RBP5: variants seen among roughly 807,000 people sequenced by gnomAD.
RBP5 encodes the protein retinol-binding protein 5.
Under a neutral mutation model 17.8 loss-of-function variants are expected in RBP5, and 12 were observed. The ratio of observed to expected loss-of-function variants is 0.67; its 90% CI spans 0.43 to 1.09. The LOEUF is 1.09. Among genes scored for constraint, RBP5 ranks in the 50% least tolerant of loss-of-function variants. The probability of loss-of-function intolerance (pLI) is 0.00; values close to 1 mark genes in which losing one functional copy is unlikely to be tolerated. For missense variants in RBP5, 172 were observed against 169.4 expected (o/e 1.02, Z -0.09); for synonymous variants, 64 against 68.1 (o/e 0.94, Z 0.30).
chr12:7,127,985 G>A (rs987742937), intron 2 of RBP5, among the ~76,000 whole-genome samples: 2 of 152,214 alleles, frequency 1.3e-5, no homozygotes, highest in African/African-American at 2.4e-5. Context: ...TTTGCTCTTC[G>A]GTCTGGGTTG....
chr12:7,123,950 C>CT lies in RBP5; in HGVS notation c.*170dup. ...GTGGAGTGTGAGAAAGGACTTTGGC[C>CT]TGGGGGCTGCAAGTTACAGATTAAC... On this transcript the variant is annotated 3_prime_UTR_variant, in exon 4 of 4. Transcript: ENST00000266560. 1.6e-6 allele frequency: 1 copy of CT among 635,556 alleles called. No homozygotes were observed. Among genetic ancestry groups the CT allele is most frequent in the African/African-American group, 1.8e-5 (1 of 55,450 alleles). 39.4% of individuals were successfully genotyped at this position (635,556 alleles called of 1,614,324 possible).
upstream of RBP5, chr12:7,128,978 G>A: frequency 1.8e-6 from 1 of 558,530 alleles, no homozygotes. This position sits in a 1 kb window ranked among gnomAD's most constrained non-coding sequence, Gnocchi z 5.3. Flanking sequence ...CCCGCATGGT[G>A]AGTTTGGGGG....
chr12:7,123,329 T>A (rs1289150135), downstream of RBP5, among the ~76,000 whole-genome samples: 1 of 152,236 alleles, frequency 6.6e-6, no homozygotes, highest in African/African-American at 2.4e-5. Context: ...TTCTCCCTCC[T>A]ATGCCTTCAC....
upstream of RBP5, chr12:7,129,942 T>C: frequency 2.6e-6 from 1 of 379,204 alleles, no homozygotes; most frequent in Non-Finnish European, 3.6e-6. This position sits in a 1 kb window ranked among gnomAD's most constrained non-coding sequence, Gnocchi z 5.5. Context: ...AATGCCAGGA[T>C]TTCTCAGGCT....
chr12:7,122,961 TG>T (rs1186225345), downstream of RBP5, among the ~76,000 whole-genome samples: 1 of 152,036 alleles, frequency 6.6e-6, no homozygotes, highest in East Asian at 1.9e-4. Flanking sequence ...CTTGTGTGCA[TG>T]GGGGGGCCAG....
At chr12:7,126,513 GTGTGT>G (rs199962965) in intron 2 of RBP5, among the ~76,000 whole-genome samples, 9,059 of 120,936 alleles carry the variant, frequency 0.075, 365 homozygotes, top group Middle Eastern at 0.13. Flanking sequence ...TGGTGGTGGT[GTGTGT>G]GTGTGTGTGT....
rs770536058 is a variant in RBP5 at position 7,128,672 on chromosome 12, T to C, written c.73+31A>G. On this transcript the variant is annotated intron_variant, in intron 1 of 3. Coordinates refer to ENST00000266560, the MANE Select transcript of RBP5 (RefSeq NM_031491.4). This position sits in a 1 kb window ranked among gnomAD's most constrained non-coding sequence, Gnocchi z 5.3. Reference sequence around the variant, plus strand: ...AGGAAGGAAGAGGGGAGAAAGGGAGTGACAGGGGTCTGGGAGGGCGAGGCC... The same window carrying C: ...AGGAAGGAAGAGGGGAGAAAGGGAGCGACAGGGGTCTGGGAGGGCGAGGCC... The C allele has an allele frequency of 3.9e-6, 6 of 1,536,290 alleles. No homozygotes were observed. In the African/African-American group the frequency reaches 8.2e-5, roughly 21 times the overall value.
At position 7,124,129 on chromosome 12, in the gene RBP5, C is replaced by T. The variant is rs769198964; in HGVS notation, c.400G>A (p.Val134Ile). 4.3e-6 allele frequency: 7 copies of T among 1,613,964 alleles called. No homozygotes were observed. Among genetic ancestry groups the T allele is most frequent in the Admixed American group, 1.7e-5 (1 of 60,000 alleles). The change falls in exon 4 of 4, where the codon GTC becomes ATC. Residue 134 changes from valine (V) to isoleucine (I), a missense_variant. Coordinates refer to ENST00000266560, the MANE Select transcript of RBP5 (RefSeq NM_031491.4). This position sits in a 1 kb window ranked among gnomAD's most constrained non-coding sequence, Gnocchi z 5.3. ...DAVCEQVFRK[V>I]R is the part of the protein sequence containing the mutation. ...TCTTGGCTCCTCTCCGGCTATCTGA[C>T]CTTCCTGAAGACCTGCTCGCACACT...
intron 2 of RBP5, among the ~76,000 whole-genome samples, chr12:7,126,111 C>T (rs1490839873): frequency 6.7e-6 from 1 of 150,102 alleles, no homozygotes; most frequent in African/African-American, 2.5e-5. Flanking sequence ...CAATTTCAGG[C>T]ACCAGGAAAT....
downstream of RBP5, chr12:7,121,018 A>T: frequency 6.7e-6 from 1 of 149,552 alleles, no homozygotes; most frequent in East Asian, 2.0e-4. Flanking sequence ...GCAGAGCAAG[A>T]TTCTGTCTCA....
chr12:7,121,290 G>C (rs1474406185), downstream of RBP5, among the ~76,000 whole-genome samples: 1 of 152,144 alleles, frequency 6.6e-6, no homozygotes, highest in African/African-American at 2.4e-5. Context: ...GTACCAAAAT[G>C]GCCATGCCTC....
intron 2 of RBP5, among the ~76,000 whole-genome samples, chr12:7,126,281 C>T (rs1565645229): frequency 6.6e-6 from 1 of 152,026 alleles, no homozygotes; most frequent in African/African-American, 2.4e-5. Context: ...TTTTAGTTAA[C>T]CAAAAATATT....
At chr12:7,119,953 C>T, downstream of RBP5, among the ~76,000 whole-genome samples, 1 of 152,206 alleles carries the variant, frequency 6.6e-6, no homozygotes, top group East Asian at 1.9e-4. Context: ...TTAGGTTCCT[C>T]TAGAGCCTCT....
chr12:7,128,303 C>T lies in RBP5; in HGVS notation c.189G>A (p.Val63=). The change falls in exon 2 of 4, where the codon GTG becomes GTA. Residue 63 remains valine (V), a synonymous_variant. Coordinates refer to ENST00000266560, the MANE Select transcript of RBP5 (RefSeq NM_031491.4). This position sits in a 1 kb window ranked among gnomAD's most constrained non-coding sequence, Gnocchi z 5.3. ...CAAACTCCACTCCCACATCAAACTG[C>T]ACAGTGTAGTTTCGGAAGGTGCTGA... ...RTLSTFRNYT[V]QFDVGVEFEE... is the part of the protein sequence containing the mutation. 6.2e-7 allele frequency: 1 copy of T among 1,614,236 alleles called. No individual in the cohort carries two copies. The highest frequency in any genetic ancestry group is 1.1e-5 in the South Asian group (1 of 91,086).
Position 7,128,418 on chromosome 12 carries a change from T to C in RBP5, c.74A>G (p.Asn25Ser). The C allele has an allele frequency of 1.2e-6, 2 of 1,614,064 alleles. No homozygotes were observed. Among genetic ancestry groups the C allele is most frequent in the Non-Finnish European group, 1.7e-6 (2 of 1,179,948 alleles). ...GATCTTCCGCACAGCCAAGCTGATG[T>C]CTGTGGGGGCTGCCTGTTAGTAGGG... ...KNMEDYLQAL[N>S]ISLAVRKIAL... Residue 25 changes from asparagine (N) to serine (S), a missense_variant and splice_region_variant, in exon 2 of 4, where the codon AAC becomes AGC. Transcript: ENST00000266560. This position sits in a 1 kb window ranked among gnomAD's most constrained non-coding sequence, Gnocchi z 5.3.
chr12:7,129,202 G>T (rs1245493125), upstream of RBP5: 5 of 246,216 alleles, frequency 2.0e-5, no homozygotes, highest in African/African-American at 8.8e-5. This position sits in a 1 kb window ranked among gnomAD's most constrained non-coding sequence, Gnocchi z 5.5. Flanking sequence ...CAGGGCCTGA[G>T]GGGCAGTCTT....
chr12:7,129,013 G>C (rs1939229161), upstream of RBP5: 1 of 482,260 alleles, frequency 2.1e-6, no homozygotes. The surrounding 1 kb of genome is among the most constrained non-coding windows in gnomAD (Gnocchi z 5.5). Flanking sequence ...TGAAGGAGGG[G>C]CAGGGATTTG....
chr12:7,124,419 A>G lies in RBP5; in HGVS notation c.354+210T>C, dbSNP rs1472224538. ...CGCCAGTGATGATTTATGGGCATTC[A>G]TCCGACTCGTAGCCAGGGCCCACCT... On this transcript the variant is annotated intron_variant, in intron 3 of 3. Coordinates refer to ENST00000266560, the MANE Select transcript of RBP5 (RefSeq NM_031491.4). This position sits in a 1 kb window ranked among gnomAD's most constrained non-coding sequence, Gnocchi z 5.3. Among the ~76,000 whole-genome samples, 1 of 152,188 alleles carries G rather than the reference A, an allele frequency of 6.6e-6. No individual in the cohort carries two copies. Among genetic ancestry groups the G allele is most frequent in the Admixed American group, 6.5e-5 (1 of 15,280 alleles).
downstream of RBP5, among the ~76,000 whole-genome samples, chr12:7,122,663 CTG>C (rs1158525643): frequency 2.6e-5 from 4 of 152,276 alleles, no homozygotes; most frequent in East Asian, 5.8e-4. Context: ...AGCAAGGACA[CTG>C]TGTTGATCTG....
Sources: allele counts gnomAD v4.1 joint callset (sites outside exome capture counted in the v4.1 genomes callset), GRCh38; gene constraint gnomAD v4.1.1; non-coding constraint Gnocchi (gnomAD v3.1); transcripts MANE v1.5; gene names NCBI Gene and HGNC (gene_info 2026-07-23, HGNC 2026-07-21).